Variants in CSMD3 observed in about 807,000 individuals in gnomAD.
CSMD3 encodes CUB and sushi domain-containing protein 3.
Under a neutral mutation model 435.2 loss-of-function variants are expected in CSMD3, and 177 were observed. The observed-to-expected ratio is 0.41, with a 90% CI of 0.36 to 0.46. CSMD3 has a LOEUF of 0.46. CSMD3 is among the 20% of genes least tolerant of loss of function. CSMD3 has a pLI of 0.34. For synonymous variants in CSMD3, 1,656 were observed against 1,520.5 expected, an observed-to-expected ratio of 1.09 and a Z score of -2.07; for missense variants, 4,265 against 4,504.6, an observed-to-expected ratio of 0.95 and a Z score of 1.52.
intron 3 of CSMD3, among the ~76,000 whole-genome samples, chr8:113,265,965 T>C (rs2093467128): frequency 6.6e-6 from 1 of 151,568 alleles, no homozygotes; most frequent in African/African-American, 2.4e-5. Context: ...TATTTAAGAA[T>C]GAAAATCCAT....
At chr8:112,377,321 T>C (rs1365703944) in intron 38 of CSMD3, among the ~76,000 whole-genome samples, 1 of 151,970 alleles carries the variant, frequency 6.6e-6, no homozygotes, top group Admixed American at 6.6e-5. Flanking sequence ...AAAATCTACA[T>C]GGACCCATAA....
intron 5 of CSMD3, among the ~76,000 whole-genome samples, chr8:113,083,323 G>C (rs577050091): frequency 6.6e-6 from 1 of 152,114 alleles, no homozygotes; most frequent in East Asian, 1.9e-4. Context: ...AGCCGGGAGA[G>C]AATGAGATGA....
intron 10 of CSMD3, among the ~76,000 whole-genome samples, chr8:112,868,397 C>T (rs927899476): frequency 1.3e-5 from 2 of 152,042 alleles, no homozygotes; most frequent in Non-Finnish European, 2.9e-5. Context: ...TGTTTATTAT[C>T]ATAATAAAAT....
intron 33 of CSMD3, among the ~76,000 whole-genome samples, 192 bp from the exon 34 acceptor site, chr8:112,408,605 C>A (rs1342560946): frequency 6.6e-6 from 1 of 151,908 alleles, no homozygotes; most frequent in East Asian, 1.9e-4. Flanking sequence ...TCTCAGAAAG[C>A]TTTAATTACA....
intron 3 of CSMD3, among the ~76,000 whole-genome samples, chr8:113,234,989 G>T (rs1291933288): frequency 1.3e-5 from 2 of 152,060 alleles, no homozygotes; most frequent in Non-Finnish European, 2.9e-5. Context: ...TCTAGGCAGA[G>T]AATGTATAAA....
intron 45 of CSMD3, among the ~76,000 whole-genome samples, chr8:112,325,577 C>T (rs527598662): frequency 7.9e-5 from 12 of 152,106 alleles, no homozygotes; most frequent in African/African-American, 2.7e-4. Flanking sequence ...GTGTTCAGCA[C>T]GTAGCAGCAT....
intron 32 of CSMD3, among the ~76,000 whole-genome samples, chr8:112,450,801 C>G (rs760376387): frequency 6.6e-6 from 1 of 152,130 alleles, no homozygotes; most frequent in Non-Finnish European, 1.5e-5. Context: ...CTTACACTTT[C>G]TTGAGATTGT....
chr8:112,281,042 T>A (rs1563731795), intron 59 of CSMD3, 132 bp downstream of exon 59: 7 of 715,268 alleles, frequency 9.8e-6, no homozygotes, highest in Non-Finnish European at 1.2e-5. Flanking sequence ...CTATAATCCT[T>A]TAATCTGAAA....
chr8:113,379,543 A>G (rs1169726447), intron 1 of CSMD3, among the ~76,000 whole-genome samples: 1 of 152,202 alleles, frequency 6.6e-6, no homozygotes, highest in Non-Finnish European at 1.5e-5. Flanking sequence ...GGTCAGTAAT[A>G]CCTCACAGAT....
intron 10 of CSMD3, among the ~76,000 whole-genome samples, chr8:112,880,221 G>A (rs979300271): frequency 6.6e-6 from 1 of 151,908 alleles, no homozygotes; most frequent in South Asian, 2.1e-4. Flanking sequence ...TTTCTTTCTA[G>A]AAAAAATCAA....
intron 2 of CSMD3, among the ~76,000 whole-genome samples, chr8:113,304,866 T>C (rs1480149579): frequency 1.4e-5 from 2 of 141,606 alleles, no homozygotes; most frequent in Non-Finnish European, 3.1e-5. Flanking sequence ...TATACATATG[T>C]AACTAACCTG....
At chr8:112,586,810 G>C (rs967914986) in intron 23 of CSMD3, among the ~76,000 whole-genome samples, 5 of 150,300 alleles carry the variant, frequency 3.3e-5, no homozygotes, top group Admixed American at 2.7e-4. Context: ...GTATTATTAA[G>C]ACATTAAAAT....
chr8:113,102,007 T>G (rs1038137885), intron 4 of CSMD3, among the ~76,000 whole-genome samples: 1 of 152,094 alleles, frequency 6.6e-6, no homozygotes, highest in Non-Finnish European at 1.5e-5. Context: ...TATAGTGGAT[T>G]TGGGACAAGT....
intron 17 of CSMD3, 71 bp from the exon 18 acceptor site, chr8:112,656,412 G>A: frequency 7.0e-6 from 8 of 1,136,348 alleles, no homozygotes; most frequent in Non-Finnish European, 1.0e-5. Flanking sequence ...GCTTTGGACT[G>A]CTATTTAAAT....
At chr8:112,751,442 A>G (rs1461715287) in intron 13 of CSMD3, among the ~76,000 whole-genome samples, 1 of 152,166 alleles carries the variant, frequency 6.6e-6, no homozygotes, top group Non-Finnish European at 1.5e-5. Context: ...TACTTATAAG[A>G]ATAAATACTA....
chr8:113,406,809 A>G (rs1252175720), intron 1 of CSMD3, among the ~76,000 whole-genome samples: 1 of 152,054 alleles, frequency 6.6e-6, no homozygotes, highest in Non-Finnish European at 1.5e-5. Flanking sequence ...TATATTTAGT[A>G]AGCTATAATA....
intron 25 of CSMD3, among the ~76,000 whole-genome samples, chr8:112,553,700 T>C (rs1827878368): frequency 6.6e-6 from 1 of 152,002 alleles, no homozygotes; most frequent in African/African-American, 2.4e-5. Context: ...AATAACTGAA[T>C]TAAACTTTTT....
chr8:113,122,109 C>A (rs533506786), intron 4 of CSMD3, among the ~76,000 whole-genome samples: 1 of 152,110 alleles, frequency 6.6e-6, no homozygotes, highest in South Asian at 2.1e-4. Flanking sequence ...TGAGACAATA[C>A]CTTCATTTCT....
chr8:113,369,425 A>C (rs1177527118), intron 1 of CSMD3, among the ~76,000 whole-genome samples: 1 of 151,968 alleles, frequency 6.6e-6, no homozygotes, highest in African/African-American at 2.4e-5. Flanking sequence ...AAGGATGTGA[A>C]AAAAAAGGAA....
Sources: gnomAD v4.1 joint callset for allele counts (sites outside exome capture counted in the v4.1 genomes callset) on GRCh38, gnomAD v4.1.1 for gene constraint, MANE v1.5 for transcripts, NCBI Gene and HGNC (gene_info 2026-07-23, HGNC 2026-07-21) for gene names.